Variants in TRABD2B observed in about 807,000 individuals in gnomAD.
TRABD2B encodes TraB domain containing 2B.
In TRABD2B, 14 loss-of-function variants were observed where a neutral mutation model predicts 40.1. That is an observed-to-expected ratio of 0.35 (90% CI 0.23 to 0.55). TRABD2B has a LOEUF of 0.55. Ranked by LOEUF, TRABD2B falls within the 20% of genes least tolerant of loss-of-function variation. TRABD2B has a pLI of 0.90. For missense variants in TRABD2B, 541 were observed against 648.6 expected, an observed-to-expected ratio of 0.83 and a Z score of 1.80; for synonymous variants, 263 against 277.0, an observed-to-expected ratio of 0.95 and a Z score of 0.50.
At chr1:47,912,207 A>G (rs562996558) in intron 2 of TRABD2B, among the ~76,000 whole-genome samples, 3 of 152,322 alleles carry the variant, frequency 2.0e-5, no homozygotes, top group Admixed American at 6.5e-5. Context: ...TTCTTGCCAC[A>G]AGATATAAAC....
At chr1:47,887,405 G>A (rs1396425998) in intron 2 of TRABD2B, among the ~76,000 whole-genome samples, 1 of 151,422 alleles carries the variant, frequency 6.6e-6, no homozygotes, top group Non-Finnish European at 1.5e-5. Context: ...ATGCCTAGTG[G>A]TTTTATCTGT....
At chr1:47,766,571 G>A (rs1644306138) in intron 6 of TRABD2B, among the ~76,000 whole-genome samples, 1 of 152,266 alleles carries the variant, frequency 6.6e-6, no homozygotes. Context: ...CATAACTACC[G>A]CTTGTTGAGC....
intron 2 of TRABD2B, among the ~76,000 whole-genome samples, chr1:47,936,583 A>G (rs76942564): frequency 1.3e-5 from 2 of 152,116 alleles, no homozygotes; most frequent in Non-Finnish European, 2.9e-5. Context: ...GAAAAGGCAT[A>G]AAAAGGATAA....
intron 3 of TRABD2B, among the ~76,000 whole-genome samples, chr1:47,796,782 C>T (rs574073568): frequency 5.6e-4 from 86 of 152,324 alleles, no homozygotes; most frequent in Middle Eastern, 3.4e-3. Context: ...ATTCTTACTT[C>T]CCTACATACC....
In TRABD2B at chr1:47,769,491, G is replaced by A. The variant is rs1644351136; in HGVS notation, c.1350-3385C>T. Among the ~76,000 whole-genome samples, 4 of 152,306 alleles carry A rather than the reference G, an allele frequency of 2.6e-5. No homozygotes were observed. In the South Asian group the frequency reaches 8.3e-4, roughly 32 times the overall value. The stretch of plus-strand genomic sequence containing the variant: ...TTTATTGCTTGGCAGGAGTCCCAGA[G>A]AAATGGGGCAGGACTGGTGGGTGGG... On this transcript the variant is annotated intron_variant, in intron 6 of 6. Coordinates refer to ENST00000606738, the MANE Select transcript of TRABD2B (RefSeq NM_001194986.2).
At chr1:47,978,960 C>T (rs979697676) in intron 2 of TRABD2B, among the ~76,000 whole-genome samples, 3 of 152,150 alleles carry the variant, frequency 2.0e-5, no homozygotes, top group Non-Finnish European at 4.4e-5. Context: ...GGAGAAGCAG[C>T]TCCCACCCAC....
intron 2 of TRABD2B, among the ~76,000 whole-genome samples, chr1:47,821,739 G>A (rs1475480669): frequency 6.6e-6 from 1 of 152,138 alleles, no homozygotes; most frequent in Non-Finnish European, 1.5e-5. Context: ...GGCCTGCAGA[G>A]ATTTAGGGCA....
chr1:47,800,968 A>C (rs2119102), intron 3 of TRABD2B, among the ~76,000 whole-genome samples: 103,175 of 152,038 alleles, frequency 0.68, 35,572 homozygotes, highest in East Asian at 0.98. Flanking sequence ...GGAATTCACC[A>C]TGAGAGCAAT....
At chr1:47,937,648 A>G (rs1304019082) in intron 2 of TRABD2B, among the ~76,000 whole-genome samples, 2 of 152,054 alleles carry the variant, frequency 1.3e-5, no homozygotes, top group Non-Finnish European at 2.9e-5. Flanking sequence ...TTAGGAAAAA[A>G]AAAAACAAGC....
chr1:47,893,473 G>A (rs535106654), intron 2 of TRABD2B, among the ~76,000 whole-genome samples: 8 of 152,222 alleles, frequency 5.3e-5, no homozygotes, highest in Non-Finnish European at 1.0e-4. Flanking sequence ...AATTCTACTC[G>A]GGTTTCCTGG....
At chr1:47,856,062 T>C (rs939200562) in intron 2 of TRABD2B, among the ~76,000 whole-genome samples, 5 of 152,188 alleles carry the variant, frequency 3.3e-5, no homozygotes, top group Non-Finnish European at 7.3e-5. Context: ...GAGAAACCAT[T>C]TTCCCTGGAA....
At chr1:47,830,517 T>C (rs1000880155) in intron 2 of TRABD2B, among the ~76,000 whole-genome samples, 10 of 152,218 alleles carry the variant, frequency 6.6e-5, no homozygotes, top group African/African-American at 2.4e-4. Flanking sequence ...GGGCCTTGGT[T>C]TCCCCTCCTA....
chr1:47,907,452 A>G (rs1237392478), intron 2 of TRABD2B, among the ~76,000 whole-genome samples: 3 of 152,210 alleles, frequency 2.0e-5, no homozygotes, highest in Non-Finnish European at 4.4e-5. Flanking sequence ...TGCACCTACC[A>G]GGTACCTTTC....
Position 47,875,174 on chromosome 1 carries a change from G to T in TRABD2B, c.667-73555C>A, listed in dbSNP as rs1570180052. 2.0e-5 allele frequency among the ~76,000 whole-genome samples: 3 copies of T among 152,024 alleles called. No individual in the cohort carries two copies. In the East Asian group the frequency reaches 5.8e-4, roughly 29 times the overall value. ...AGCCTTAGGTGTTAAAAGGAGATCA[G>T]CCCCTCCCAGATAGGAAACAGTCTG... On this transcript the variant is annotated intron_variant, in intron 2 of 6. Transcript: ENST00000606738.
intron 2 of TRABD2B, among the ~76,000 whole-genome samples, chr1:47,904,610 G>A (rs1009200515): frequency 6.6e-6 from 1 of 152,072 alleles, no homozygotes; most frequent in East Asian, 2.0e-4. Flanking sequence ...TCACCTGAGA[G>A]AATCTCATCT....
intron 4 of TRABD2B, among the ~76,000 whole-genome samples, chr1:47,792,349 G>A (rs776338578): frequency 6.6e-6 from 1 of 152,212 alleles, no homozygotes; most frequent in Non-Finnish European, 1.5e-5. Context: ...TGATTAAGTG[G>A]TGCCCCACCT....
chr1:47,905,636 C>A (rs977924497), intron 2 of TRABD2B, among the ~76,000 whole-genome samples: 2 of 152,216 alleles, frequency 1.3e-5, no homozygotes, highest in Non-Finnish European at 2.9e-5. Flanking sequence ...CTCTGCTGCT[C>A]TACATAAACT....
chr1:47,915,304 C>T (rs1163207050), intron 2 of TRABD2B, among the ~76,000 whole-genome samples: 1 of 152,172 alleles, frequency 6.6e-6, no homozygotes, highest in Non-Finnish European at 1.5e-5. Flanking sequence ...ATGGAGGCTA[C>T]AGACTCTTCT....
At chr1:47,854,160 G>C (rs1643867331) in intron 2 of TRABD2B, among the ~76,000 whole-genome samples, 1 of 152,208 alleles carries the variant, frequency 6.6e-6, no homozygotes, top group Non-Finnish European at 1.5e-5. Flanking sequence ...CTGAACCTCT[G>C]TAAAATGGGG....
Sources: gnomAD v4.1 joint callset for allele counts (sites outside exome capture counted in the v4.1 genomes callset) on GRCh38, gnomAD v4.1.1 for gene constraint, MANE v1.5 for transcripts, NCBI Gene and HGNC (gene_info 2026-07-23, HGNC 2026-07-21) for gene names.